VGLL1: variants seen among roughly 807,000 people sequenced by gnomAD.
VGLL1 encodes transcription cofactor vestigial-like protein 1.
In VGLL1, 4 loss-of-function variants were observed where a neutral mutation model predicts 12.0. That is an observed-to-expected ratio of 0.33 (90% CI 0.16 to 0.76). The LOEUF is 0.76. Among genes scored for constraint, VGLL1 ranks in the 30% least tolerant of loss-of-function variants. VGLL1 has a pLI of 0.60. For synonymous variants in VGLL1, 87 were observed against 81.2 expected, an observed-to-expected ratio of 1.07 and a Z score of -0.39; for missense variants, 204 against 208.7, an observed-to-expected ratio of 0.98 and a Z score of 0.14.
Position 136,536,247 on chromosome X carries a change from G to A in VGLL1, c.214+13G>A. ...ATGCTGAAAAACGGTGAGCATGTGG[G>A]GAGGGAGGGAGCTGGGATTCCCTAT... On this transcript the variant is annotated intron_variant, in intron 2 of 4. Coordinates refer to ENST00000370634, the MANE Select transcript of VGLL1 (RefSeq NM_016267.4). 1 of 1,200,597 alleles carries A rather than the reference G, an allele frequency of 8.3e-7. No individual in the cohort carries two copies. Among genetic ancestry groups the A allele is most frequent in the Non-Finnish European group, 1.1e-6 (1 of 886,861 alleles).
At chrX:136,541,471 C>T (rs2075855901) in intron 2 of VGLL1, among the ~76,000 whole-genome samples, 1 of 112,500 alleles carries the variant, frequency 8.9e-6, no homozygotes, top group African/African-American at 3.2e-5. Flanking sequence ...CACTAGGAGT[C>T]AAGTTTCTCA....
At chrX:136,534,335 C>A (rs971182851) in intron 1 of VGLL1, among the ~76,000 whole-genome samples, 2 of 112,431 alleles carry the variant, frequency 1.8e-5, no homozygotes, top group Non-Finnish European at 3.8e-5. Flanking sequence ...ACCCTACAGG[C>A]AACCACAGTT....
rs749396300 is a variant in VGLL1 at position 136,536,245 on chromosome X, G to T, written c.214+11G>T. 4 of 1,201,974 alleles carry T rather than the reference G, an allele frequency of 3.3e-6. No individual in the cohort carries two copies. The highest frequency in any genetic ancestry group is 4.5e-6 in the Non-Finnish European group (4 of 888,098). On this transcript the variant is annotated intron_variant, in intron 2 of 4. Coordinates refer to ENST00000370634, the MANE Select transcript of VGLL1 (RefSeq NM_016267.4). Reference sequence around the variant, plus strand: ...TGATGCTGAAAAACGGTGAGCATGTGGGGAGGGAGGGAGCTGGGATTCCCT... The same window carrying T: ...TGATGCTGAAAAACGGTGAGCATGTTGGGAGGGAGGGAGCTGGGATTCCCT...
At chrX:136,535,518 G>A (rs1278119063) in intron 1 of VGLL1, among the ~76,000 whole-genome samples, 3 of 111,063 alleles carry the variant, frequency 2.7e-5, no homozygotes, top group African/African-American at 6.6e-5. Context: ...CTCTGCGTGC[G>A]AGTGGTCAAG....
chrX:136,542,126 A>G (rs765255284), intron 2 of VGLL1, among the ~76,000 whole-genome samples: 2 of 109,718 alleles, frequency 1.8e-5, no homozygotes. Context: ...GTGGGCCTTT[A>G]GAGGTCTCAA....
At chrX:136,532,609 CTTTCT>C (rs1162509448) in intron 1 of VGLL1, among the ~76,000 whole-genome samples, 4 of 87,155 alleles carry the variant, frequency 4.6e-5, no homozygotes, top group Admixed American at 1.4e-4. Context: ...TTCTTTCTTT[CTTTCT>C]TTCTTTCTTT....
intron 2 of VGLL1, among the ~76,000 whole-genome samples, chrX:136,543,662 G>A (rs764321992): frequency 5.0e-4 from 55 of 110,175 alleles, no homozygotes; most frequent in African/African-American, 1.8e-3. Flanking sequence ...GGAGGCTGAG[G>A]CTGAGGCGGG....
At chrX:136,535,309 T>C (rs1258035545) in intron 1 of VGLL1, among the ~76,000 whole-genome samples, 8 of 111,467 alleles carry the variant, frequency 7.2e-5, no homozygotes, top group Non-Finnish European at 1.5e-4. Context: ...TTTCAGGAGG[T>C]TTCCACCAAT....
At chrX:136,544,299 G>T (rs1047713579) in intron 2 of VGLL1, among the ~76,000 whole-genome samples, 1 of 112,296 alleles carries the variant, frequency 8.9e-6, no homozygotes, top group African/African-American at 3.2e-5. Flanking sequence ...ATTTTTACAT[G>T]CATCATTGAC....
intron 1 of VGLL1, among the ~76,000 whole-genome samples, chrX:136,534,126 G>A (rs1311568397): frequency 8.9e-6 from 1 of 112,461 alleles, no homozygotes; most frequent in Non-Finnish European, 1.9e-5. Flanking sequence ...TCAAGTATCA[G>A]AATAGATCAT....
rs748455740 is a variant in VGLL1 at position 136,532,705 on chromosome X, CT to C, written c.-26+421del. ...TTCTTTCTTTCATTTTTTGTTCTTT[CT>C]TTTTTTTTTTTCAGAAGTGTGGGCA... On this transcript the variant is annotated intron_variant, in intron 1 of 4. Coordinates refer to ENST00000370634, the MANE Select transcript of VGLL1 (RefSeq NM_016267.4). Among the ~76,000 whole-genome samples the C allele has an allele frequency of 1.5e-3, 106 of 72,187 alleles. 2 individuals carry two copies. Among genetic ancestry groups the C allele is most frequent in the East Asian group, 3.7e-3 (9 of 2,431 alleles). 62.7% of individuals were successfully genotyped at this position (72,187 alleles called of 115,157 possible).
intron 2 of VGLL1, among the ~76,000 whole-genome samples, chrX:136,536,759 C>A (rs995024483): frequency 1.8e-5 from 2 of 112,367 alleles, no homozygotes; most frequent in Non-Finnish European, 3.7e-5. Flanking sequence ...AGGGCAAGGA[C>A]CATTGCTGAT....
At chrX:136,555,616 G>C (rs1302722395) in intron 4 of VGLL1, among the ~76,000 whole-genome samples, 1 of 111,774 alleles carries the variant, frequency 8.9e-6, no homozygotes, top group Non-Finnish European at 1.9e-5. Flanking sequence ...GCCATTGAAA[G>C]TATAGAAAAG....
intron 1 of VGLL1, among the ~76,000 whole-genome samples, chrX:136,534,124 C>A (rs1340339886): frequency 8.9e-6 from 1 of 112,568 alleles, no homozygotes; most frequent in African/African-American, 3.2e-5. Context: ...CTTCAAGTAT[C>A]AGAATAGATC....
At chrX:136,532,901 A>G (rs1458395869) in intron 1 of VGLL1, among the ~76,000 whole-genome samples, 1 of 109,396 alleles carries the variant, frequency 9.1e-6, no homozygotes, top group African/African-American at 3.3e-5. Context: ...ATATGGAAAC[A>G]TCTTCTCTGG....
intron 4 of VGLL1, among the ~76,000 whole-genome samples, chrX:136,556,146 G>C (rs1746632763): frequency 9.0e-6 from 1 of 111,718 alleles, no homozygotes; most frequent in Non-Finnish European, 1.9e-5. Flanking sequence ...GAAAACTTTG[G>C]TTTCTCAATC....
At chrX:136,541,096 T>C (rs1054045611) in intron 2 of VGLL1, among the ~76,000 whole-genome samples, 1 of 112,171 alleles carries the variant, frequency 8.9e-6, no homozygotes, top group African/African-American at 3.2e-5. Flanking sequence ...CAACACCAGG[T>C]TCACAGAGCA....
At chrX:136,535,255 A>G (rs2075836440) in intron 1 of VGLL1, among the ~76,000 whole-genome samples, 1 of 112,419 alleles carries the variant, frequency 8.9e-6, no homozygotes, top group Non-Finnish European at 1.9e-5. Context: ...ACTGTTCTAG[A>G]TACAAAAGAT....
intron 3 of VGLL1, 120 bp downstream of exon 3, chrX:136,549,128 G>A: frequency 1.4e-6 from 1 of 716,313 alleles, no homozygotes; most frequent in Non-Finnish European, 2.0e-6. Flanking sequence ...GGGCTGCTGA[G>A]GGAAGGGATG....
Sources: allele counts gnomAD v4.1 joint callset (sites outside exome capture counted in the v4.1 genomes callset), GRCh38; gene constraint gnomAD v4.1.1; transcripts MANE v1.5; gene names NCBI Gene and HGNC (gene_info 2026-07-23, HGNC 2026-07-21).